Variants in PDE11A observed in about 807,000 individuals in gnomAD.
PDE11A encodes phosphodiesterase 11A, also known as dual 3',5'-cyclic-AMP and -GMP phosphodiesterase 11A.
PDE11A carries 100 observed loss-of-function variants against 100.5 expected under a neutral mutation model. The observed-to-expected ratio is 1.00, with a 90% CI of 0.85 to 1.18. PDE11A has a LOEUF of 1.18. PDE11A is among the 50% of genes most tolerant of loss of function. The pLI is 0.00. For synonymous variants in PDE11A, 381 were observed against 420.8 expected, an observed-to-expected ratio of 0.91 and a Z score of 1.16; for missense variants, 1,141 against 1,152.6, an observed-to-expected ratio of 0.99 and a Z score of 0.15.
upstream of PDE11A, chr2:178,072,950 G>A (rs2087159017): frequency 3.0e-6 from 3 of 985,234 alleles, no homozygotes; most frequent in Non-Finnish European, 3.6e-6. Context: ...CGGAATCGGC[G>A]CCTGGGTACA....
intron 2 of PDE11A, among the ~76,000 whole-genome samples, chr2:177,931,911 CAA>C (rs71410773): frequency 4.0e-3 from 320 of 80,238 alleles, no homozygotes; most frequent in East Asian, 0.01. Context: ...GCTAGATTAA[CAA>C]AAAAAAAAAA....
chr2:178,082,946 C>A (rs753105487), intron 2 of PDE11A, among the ~76,000 whole-genome samples: 31 of 152,244 alleles, frequency 2.0e-4, no homozygotes, highest in Non-Finnish European at 3.8e-4. Context: ...TGGCTGAGAA[C>A]TTAGTTTTCA....
intron 1 of PDE11A, among the ~76,000 whole-genome samples, chr2:178,038,324 G>T (rs1258017046): frequency 6.8e-6 from 1 of 146,044 alleles, no homozygotes; most frequent in East Asian, 2.0e-4. Flanking sequence ...ACACTGATCT[G>T]CTTCCTGTCA....
At chr2:177,999,539 T>C (rs1047404202) in intron 2 of PDE11A, among the ~76,000 whole-genome samples, 2 of 152,206 alleles carry the variant, frequency 1.3e-5, no homozygotes, top group South Asian at 2.1e-4. Context: ...AAATGAAGTA[T>C]ACCAAATAAC....
intron 9 of PDE11A, among the ~76,000 whole-genome samples, chr2:177,799,233 T>C (rs959082023): frequency 6.6e-6 from 1 of 152,134 alleles, no homozygotes; most frequent in African/African-American, 2.4e-5. Context: ...GATGAATCAA[T>C]GTAATAGGGT....
intron 1 of PDE11A, among the ~76,000 whole-genome samples, chr2:178,031,104 G>A (rs546855207): frequency 6.6e-6 from 1 of 152,200 alleles, no homozygotes; most frequent in East Asian, 1.9e-4. Context: ...GGCAGAAAAA[G>A]TTAATAAAAC....
intron 9 of PDE11A, among the ~76,000 whole-genome samples, chr2:177,770,636 T>C (rs2082298953): frequency 6.6e-6 from 1 of 152,174 alleles, no homozygotes; most frequent in African/African-American, 2.4e-5. Flanking sequence ...TGGCAGTGAA[T>C]GCCAGCTTGC....
intron 1 of PDE11A, among the ~76,000 whole-genome samples, chr2:178,018,857 A>G (rs2086373034): frequency 6.6e-6 from 1 of 152,198 alleles, no homozygotes; most frequent in South Asian, 2.1e-4. Context: ...CCAGAATTTA[A>G]TCTTTGAGGA....
chr2:177,909,801 A>AAT (rs58936430), intron 2 of PDE11A, among the ~76,000 whole-genome samples: 142,534 of 152,086 alleles, frequency 0.94, 67,470 homozygotes, highest in East Asian at 1. Context: ...GTTTTGTATG[A>AAT]ATATGTTTAT....
At chr2:177,701,058 G>T in intron 14 of PDE11A, 63 bp downstream of exon 14, 1 of 899,964 alleles carries the variant, frequency 1.1e-6, no homozygotes, top group Non-Finnish European at 1.9e-6. Context: ...AAGGAAGAGA[G>T]GGAGGAAACA....
intron 19 of PDE11A, among the ~76,000 whole-genome samples, chr2:177,645,169 A>G (rs2080205181): frequency 6.6e-6 from 1 of 152,136 alleles, no homozygotes; most frequent in Admixed American, 6.5e-5. Context: ...AAGGAGAACT[A>G]GGTTTCTTTA....
chr2:177,705,230 GA>G (rs3056940), intron 13 of PDE11A, among the ~76,000 whole-genome samples: 2 of 150,446 alleles, frequency 1.3e-5, no homozygotes, highest in Non-Finnish European at 3.0e-5. Flanking sequence ...CATAAAATAT[GA>G]AAAAAAAACC....
At position 177,629,430 on chromosome 2, in the gene PDE11A, C is replaced by T. The variant is rs74326729; in HGVS notation, c.2779G>A (p.Val927Ile). The T allele has an allele frequency of 3.1e-6, 5 of 1,590,260 alleles. No homozygotes were observed. In the East Asian group the frequency reaches 1.1e-4, roughly 36 times the overall value. The change falls in exon 20 of 20, where the codon GTA (valine) becomes ATA (isoleucine). Residue 927 changes from valine to isoleucine, a missense_variant. Transcript: ENST00000286063. Reference protein sequence around the residue: ...TASSSPASVMVAKEDRN With the variant: ...TASSSPASVMIAKEDRN The stretch of plus-strand genomic sequence containing the variant: ...GTTTAGTTCCTGTCTTCCTTGGCTA[C>T]CATAACACTGGCAGGGGAGGATGAG...
chr2:177,741,645 T>C (rs2081872628), intron 10 of PDE11A, among the ~76,000 whole-genome samples: 1 of 152,200 alleles, frequency 6.6e-6, no homozygotes, highest in Admixed American at 6.5e-5. Context: ...CTAGAAAGGC[T>C]TTTTCTCTTT....
intron 2 of PDE11A, among the ~76,000 whole-genome samples, chr2:177,928,602 A>T (rs2085163133): frequency 6.6e-6 from 1 of 152,208 alleles, no homozygotes; most frequent in Non-Finnish European, 1.5e-5. Flanking sequence ...GAAACTGAAG[A>T]ATTAACTTTG....
intron 17 of PDE11A, among the ~76,000 whole-genome samples, chr2:177,674,955 A>G (rs2105495962): frequency 6.6e-6 from 1 of 152,222 alleles, no homozygotes; most frequent in East Asian, 1.9e-4. Flanking sequence ...TTTATGGCAG[A>G]GAAATCAGAT....
intron 19 of PDE11A, among the ~76,000 whole-genome samples, chr2:177,661,873 G>A (rs1001183013): frequency 5.3e-5 from 8 of 152,268 alleles, no homozygotes; most frequent in South Asian, 2.1e-4. Flanking sequence ...AGGTGAAGTA[G>A]GGCATTAGAA....
At chr2:177,643,798 G>C (rs1473942105) in intron 19 of PDE11A, among the ~76,000 whole-genome samples, 1 of 152,186 alleles carries the variant, frequency 6.6e-6, no homozygotes. Flanking sequence ...GTGTCCCCCT[G>C]CTGTGTGCAG....
chr2:177,955,649 A>C (rs1174685762), intron 2 of PDE11A, among the ~76,000 whole-genome samples: 1 of 152,192 alleles, frequency 6.6e-6, no homozygotes, highest in African/African-American at 2.4e-5. Context: ...ACGCTACCTG[A>C]CTTCAAACTA....
Sources: allele counts gnomAD v4.1 joint callset (sites outside exome capture counted in the v4.1 genomes callset), GRCh38; gene constraint gnomAD v4.1.1; transcripts MANE v1.5; gene names NCBI Gene and HGNC (gene_info 2026-07-23, HGNC 2026-07-21).